The following GRAMD4 variants were observed in gnomAD, a reference collection of about 807,000 sequenced individuals.
The protein encoded by GRAMD4 is GRAM domain-containing protein 4.
Under a neutral mutation model 83.9 loss-of-function variants are expected in GRAMD4, and 25 were observed. The ratio of observed to expected loss-of-function variants is 0.30; its 90% confidence interval spans 0.22 to 0.42. The LOEUF (loss-of-function observed/expected upper bound fraction) is 0.42, where lower values mean the gene tolerates loss of function less well. Ranked by LOEUF, GRAMD4 falls within the 10% of genes least tolerant of loss-of-function variation. The probability of loss-of-function intolerance (pLI) is 1.00; values close to 1 mark genes in which losing one functional copy is unlikely to be tolerated. For synonymous variants in GRAMD4, 336 were observed against 320.9 expected (o/e 1.05, Z -0.50); for missense variants, 593 against 788.7 (o/e 0.75, Z 2.97).
intron 1 of GRAMD4, among the ~76,000 whole-genome samples, chr22:46,580,927 A>G (rs899655531): frequency 8.9e-5 from 13 of 145,252 alleles, no homozygotes; most frequent in African/African-American, 3.0e-4. Flanking sequence ...AGATCGCGCC[A>G]TTGCACTCCA....
At chr22:46,576,387 T>TC (rs111740986), upstream of GRAMD4, among the ~76,000 whole-genome samples, 36,701 of 151,990 alleles carry the variant, frequency 0.24, 4,703 homozygotes, top group Middle Eastern at 0.33. Flanking sequence ...GTGGGTGGTT[T>TC]TTCTAGAGGG....
chr22:46,671,445 G>T (rs955231321), intron 13 of GRAMD4, among the ~76,000 whole-genome samples: 1 of 152,122 alleles, frequency 6.6e-6, no homozygotes, highest in Non-Finnish European at 1.5e-5. Context: ...CTGCACTCCA[G>T]CCTGGGCGAC....
At chr22:46,662,235 G>A (rs2082338663) in intron 5 of GRAMD4, among the ~76,000 whole-genome samples, 1 of 152,200 alleles carries the variant, frequency 6.6e-6, no homozygotes, top group South Asian at 2.1e-4. Flanking sequence ...TGGCCTTGGG[G>A]TACACAGACC....
At chr22:46,680,603 C>T (rs2082659641), downstream of GRAMD4, among the ~76,000 whole-genome samples, 1 of 134,822 alleles carries the variant, frequency 7.4e-6, no homozygotes, top group Non-Finnish European at 1.6e-5. Context: ...TCCACCCACC[C>T]ATTCATCCAT....
intron 3 of GRAMD4, among the ~76,000 whole-genome samples, chr22:46,642,027 A>G (rs916269630): frequency 1.3e-5 from 2 of 152,244 alleles, no homozygotes; most frequent in Non-Finnish European, 2.9e-5. Flanking sequence ...TGGTATTCTC[A>G]TGAGACAGTG....
At chr22:46,602,860 A>C (rs2081325221) in intron 1 of GRAMD4, among the ~76,000 whole-genome samples, 1 of 144,896 alleles carries the variant, frequency 6.9e-6, no homozygotes, top group African/African-American at 2.6e-5. Context: ...CTCCTGCCTC[A>C]GCCTCCTGAG....
chr22:46,605,437 ACCTTGCTTT>A (rs2081355695), intron 1 of GRAMD4, among the ~76,000 whole-genome samples: 1 of 152,160 alleles, frequency 6.6e-6, no homozygotes, highest in Admixed American at 6.5e-5. Context: ...TCTCTTCAAG[ACCTTGCTTT>A]TAGTTCTTTT....
chr22:46,666,755 C>T, intron 9 of GRAMD4, 70 bp from the exon 10 acceptor site: 1 of 1,311,152 alleles, frequency 7.6e-7, no homozygotes, highest in Non-Finnish European at 1.1e-6. Flanking sequence ...CGTGCAGGGC[C>T]AGCGATTCGA....
At chr22:46,645,791 T>A (rs1367609351) in intron 3 of GRAMD4, among the ~76,000 whole-genome samples, 1 of 152,218 alleles carries the variant, frequency 6.6e-6, no homozygotes, top group Non-Finnish European at 1.5e-5. Context: ...ATAAATAAAT[T>A]AAAAGCATCA....
At chr22:46,587,535 G>T (rs2081162678) in intron 1 of GRAMD4, among the ~76,000 whole-genome samples, 1 of 151,828 alleles carries the variant, frequency 6.6e-6, no homozygotes, top group South Asian at 2.1e-4. Context: ...GTCAGGGTCT[G>T]ACAAAGGCTT....
intron 10 of GRAMD4, 90 bp downstream of exon 10, chr22:46,666,963 G>T (rs1423190192): frequency 6.4e-6 from 6 of 942,444 alleles, no homozygotes; most frequent in East Asian, 5.6e-5. Context: ...GAAGCCTCTG[G>T]ATGAGGCCAT....
At chr22:46,651,733 T>C (rs1336409719) in intron 3 of GRAMD4, among the ~76,000 whole-genome samples, 1 of 152,184 alleles carries the variant, frequency 6.6e-6, no homozygotes, top group Non-Finnish European at 1.5e-5. Context: ...CCTCCATCCG[T>C]GCTGTTCACT....
At chr22:46,612,153 A>G (rs1368313723) in intron 1 of GRAMD4, among the ~76,000 whole-genome samples, 4 of 151,914 alleles carry the variant, frequency 2.6e-5, no homozygotes, top group African/African-American at 9.7e-5. Context: ...ACAGGTGCAC[A>G]CCATCCCGCC....
chr22:46,606,841 G>C (rs557296126), intron 1 of GRAMD4, among the ~76,000 whole-genome samples: 1 of 152,276 alleles, frequency 6.6e-6, no homozygotes, highest in East Asian at 1.9e-4. Flanking sequence ...GGGTGTGCCA[G>C]TATCTCTTTG....
Position 46,678,899 on chromosome 22 carries a change from G to A in GRAMD4, c.*1648G>A, listed in dbSNP as rs1010063807. ...TCCCAGGCGGTGGAGCGGAGCCCCC[G>A]TGGCTCTGGACTGCGCGGACGTTGG... On this transcript the variant is annotated 3_prime_UTR_variant, in exon 19 of 19. Coordinates refer to ENST00000406902, the MANE Select transcript of GRAMD4 (RefSeq NM_015124.5). 2.6e-5 allele frequency: 26 copies of A among 985,778 alleles called. No individual in the cohort carries two copies. Among genetic ancestry groups the A allele is most frequent in the Non-Finnish European group, 3.1e-5 (26 of 830,018 alleles). 61.1% of individuals were successfully genotyped at this position (985,778 alleles called of 1,614,324 possible).
upstream of GRAMD4, among the ~76,000 whole-genome samples, chr22:46,615,713 TGCGTGTAGGTTCCCCC>T (rs2081476764): frequency 2.1e-5 from 1 of 48,384 alleles, no homozygotes; most frequent in African/African-American, 7.5e-5. Context: ...GGTTCCCCTG[TGCGTGTAGGTTCCCCC>T]GTGTGTAGGT....
chr22:46,645,223 G>C (rs2082056792), intron 3 of GRAMD4, among the ~76,000 whole-genome samples: 4 of 152,094 alleles, frequency 2.6e-5, no homozygotes, highest in Non-Finnish European at 5.9e-5. Context: ...ATTAATTGCA[G>C]ATTAGTTGGA....
At chr22:46,650,385 C>T (rs1029430951) in intron 3 of GRAMD4, among the ~76,000 whole-genome samples, 9 of 149,938 alleles carry the variant, frequency 6.0e-5, no homozygotes, top group South Asian at 2.1e-4. Flanking sequence ...GAGGGCTGGG[C>T]GTCGAGGCTG....
intron 1 of GRAMD4, among the ~76,000 whole-genome samples, chr22:46,609,692 A>G (rs955264786): frequency 6.6e-6 from 1 of 152,280 alleles, no homozygotes; most frequent in Middle Eastern, 3.4e-3. Context: ...TGGATTCCGC[A>G]TTGTGGAGTG....
Sources: gnomAD v4.1 joint callset for allele counts (sites outside exome capture counted in the v4.1 genomes callset) on GRCh38, gnomAD v4.1.1 for gene constraint, MANE v1.5 for transcripts, NCBI Gene and HGNC (gene_info 2026-07-23, HGNC 2026-07-21) for gene names.